Variants in SERPINE2 observed in about 807,000 individuals in gnomAD.
SERPINE2 encodes glia-derived nexin.
Under a neutral mutation model 36.3 loss-of-function variants are expected in SERPINE2, and 14 were observed. That is an observed-to-expected ratio of 0.39 (90% CI 0.25 to 0.60). SERPINE2 has a LOEUF of 0.60. SERPINE2 is among the 20% of genes least tolerant of loss of function. The pLI, the probability that SERPINE2 is intolerant of heterozygous loss-of-function variation, is 0.57. For synonymous variants in SERPINE2, 192 were observed against 191.8 expected, an observed-to-expected ratio of 1.00 and a Z score of -0.01; for missense variants, 418 against 499.6, an observed-to-expected ratio of 0.84 and a Z score of 1.56.
chr2:224,034,224 G>A (rs893855270), intron 1 of SERPINE2, among the ~76,000 whole-genome samples: 12 of 152,124 alleles, frequency 7.9e-5, no homozygotes, highest in African/African-American at 2.7e-4. Flanking sequence ...AGGTAGGCAC[G>A]GGGAGGGGTG....
intron 4 of SERPINE2, among the ~76,000 whole-genome samples, chr2:223,987,104 G>T (rs1690465359): frequency 6.6e-6 from 1 of 152,070 alleles, no homozygotes; most frequent in African/African-American, 2.4e-5. Context: ...CTGAGACTTT[G>T]GCAAGTTCCT....
intron 1 of SERPINE2, among the ~76,000 whole-genome samples, chr2:224,015,883 G>A (rs374757556): frequency 1.3e-5 from 2 of 152,166 alleles, no homozygotes; most frequent in African/African-American, 2.4e-5. Flanking sequence ...CTCCAATCAC[G>A]TATCTGTCAA....
At chr2:224,015,238 G>A (rs887518346) in intron 1 of SERPINE2, among the ~76,000 whole-genome samples, 1 of 152,198 alleles carries the variant, frequency 6.6e-6, no homozygotes, top group African/African-American at 2.4e-5. Context: ...CTTATTACTT[G>A]ATATTTACTT....
intron 6 of SERPINE2, chr2:223,981,624 A>C (rs961889510): frequency 2.6e-5 from 4 of 152,198 alleles, no homozygotes; most frequent in Non-Finnish European, 4.4e-5. Flanking sequence ...TAATGAGCTA[A>C]TTTCTTACCA....
At chr2:223,995,064 A>G (rs1336875923) in intron 3 of SERPINE2, among the ~76,000 whole-genome samples, 2 of 152,194 alleles carry the variant, frequency 1.3e-5, no homozygotes, top group Admixed American at 6.5e-5. Context: ...AGAAGGCAGC[A>G]GGAGTGTATG....
chr2:223,998,993 G>T (rs921513108), intron 2 of SERPINE2, among the ~76,000 whole-genome samples: 3 of 152,064 alleles, frequency 2.0e-5, no homozygotes, highest in African/African-American at 7.2e-5. Flanking sequence ...TAGCCAAGGG[G>T]GAACAAATCA....
chr2:224,007,848 T>C (rs1044142669), intron 1 of SERPINE2, among the ~76,000 whole-genome samples: 4 of 152,222 alleles, frequency 2.6e-5, no homozygotes, highest in Non-Finnish European at 4.4e-5. Context: ...ACTGCATTAA[T>C]GTCATGCTGT....
chr2:223,984,698 C>T, intron 5 of SERPINE2, 54 bp downstream of exon 5: 1 of 1,549,204 alleles, frequency 6.5e-7, no homozygotes, highest in Non-Finnish European at 8.8e-7. Flanking sequence ...TCCGACATAA[C>T]ACCTGCTGAT....
At chr2:223,988,380 G>A (rs997696293) in intron 4 of SERPINE2, among the ~76,000 whole-genome samples, 4 of 151,342 alleles carry the variant, frequency 2.6e-5, no homozygotes, top group East Asian at 1.9e-4. Flanking sequence ...CTATGTTGCC[G>A]AGGATCATCT....
chr2:224,027,214 C>T (rs929518634), intron 1 of SERPINE2, among the ~76,000 whole-genome samples: 1 of 152,168 alleles, frequency 6.6e-6, no homozygotes, highest in Non-Finnish European at 1.5e-5. Flanking sequence ...GAAAGCTGGG[C>T]GTTACTCCCC....
chr2:224,012,055 C>A (rs1368633388), intron 1 of SERPINE2, among the ~76,000 whole-genome samples: 1 of 152,170 alleles, frequency 6.6e-6, no homozygotes, highest in Non-Finnish European at 1.5e-5. Context: ...CCACTCCCTC[C>A]CTGAGGACTA....
chr2:224,038,750 G>C, intron 1 of SERPINE2: 1 of 546,964 alleles, frequency 1.8e-6, no homozygotes, highest in Non-Finnish European at 3.2e-6. Flanking sequence ...GGGCCGGCTC[G>C]GATGGCCGGG....
chr2:224,005,088 TATATATATAA>T (rs1383468474), intron 1 of SERPINE2, among the ~76,000 whole-genome samples: 16 of 89,700 alleles, frequency 1.8e-4, no homozygotes, highest in South Asian at 3.1e-4. Flanking sequence ...TATATATATA[TATATATATAA>T]AACATTGTAA....
At chr2:223,994,255 C>T (rs923009232) in intron 3 of SERPINE2, among the ~76,000 whole-genome samples, 7 of 152,158 alleles carry the variant, frequency 4.6e-5, no homozygotes, top group Non-Finnish European at 8.8e-5. Context: ...TTGCTTACTC[C>T]TAGCACTACA....
At chr2:224,036,297 G>T (rs1322095596) in intron 1 of SERPINE2, among the ~76,000 whole-genome samples, 2 of 148,512 alleles carry the variant, frequency 1.3e-5, no homozygotes, top group Non-Finnish European at 3.0e-5. Context: ...AGAGATGCCA[G>T]GGAGGAATAA....
intron 7 of SERPINE2, chr2:223,978,620 T>C (rs905008757): frequency 2.0e-5 from 3 of 152,252 alleles, no homozygotes; most frequent in African/African-American, 7.2e-5. Context: ...AGGGTAGGTG[T>C]GTGGCATTAC....
At chr2:224,006,465 A>G (rs1467783949) in intron 1 of SERPINE2, among the ~76,000 whole-genome samples, 2 of 152,176 alleles carry the variant, frequency 1.3e-5, no homozygotes, top group African/African-American at 4.8e-5. Context: ...GGTGTGTGTG[A>G]TGTTTTTCCT....
intron 1 of SERPINE2, among the ~76,000 whole-genome samples, chr2:224,012,618 A>T (rs75042209): frequency 7.0e-6 from 1 of 142,098 alleles, no homozygotes; most frequent in African/African-American, 2.6e-5. Flanking sequence ...AAAAAAAAAA[A>T]TTATACACAG....
At chr2:224,016,203 G>C (rs1691792871) in intron 1 of SERPINE2, among the ~76,000 whole-genome samples, 1 of 152,186 alleles carries the variant, frequency 6.6e-6, no homozygotes, top group Non-Finnish European at 1.5e-5. Flanking sequence ...AGCCGCTCTA[G>C]AAAACAGTTT....
Sources: gnomAD v4.1 joint callset for allele counts (sites outside exome capture counted in the v4.1 genomes callset) on GRCh38, gnomAD v4.1.1 for gene constraint, MANE v1.5 for transcripts, NCBI Gene and HGNC (gene_info 2026-07-23, HGNC 2026-07-21) for gene names.